The following NAALADL2 variants were observed in gnomAD, a reference collection of about 807,000 sequenced individuals.
The protein encoded by NAALADL2 is inactive N-acetylated-alpha-linked acidic dipeptidase-like protein 2.
Under a neutral mutation model 87.2 loss-of-function variants are expected in NAALADL2, and 76 were observed. That is an observed-to-expected ratio of 0.87 (90% CI 0.72 to 1.05). NAALADL2 has a LOEUF of 1.05. Ranked by LOEUF, NAALADL2 falls within the 50% of genes least tolerant of loss-of-function variation. NAALADL2 has a pLI of 0.00. For missense variants in NAALADL2, 1,089 were observed against 945.8 expected (o/e 1.15, Z -1.99); for synonymous variants, 354 against 331.0 (o/e 1.07, Z -0.75).
At position 175,262,007 on chromosome 3, in the gene NAALADL2, C is replaced by T. The variant is rs111839171; in HGVS notation, c.939+5477C>T. Among the ~76,000 whole-genome samples, 61 of 152,056 alleles carry T rather than the reference C, an allele frequency of 4.0e-4. No individual in the cohort carries two copies. The Middle Eastern group carries it at 0.01, about 25-fold the overall frequency. On this transcript the variant is annotated intron_variant, in intron 4 of 13. Transcript: ENST00000454872. Reference sequence around the variant, plus strand: ...CAAGTAAATTGCTTCTTGCAAATTACGGAGGAGTAGCATTATTTAAAGAAA... The same window carrying T: ...CAAGTAAATTGCTTCTTGCAAATTATGGAGGAGTAGCATTATTTAAAGAAA...
chr3:175,452,280 C>T (rs769610388), intron 6 of NAALADL2, among the ~76,000 whole-genome samples: 1 of 152,018 alleles, frequency 6.6e-6, no homozygotes, highest in Non-Finnish European at 1.5e-5. Context: ...TATCCACCTA[C>T]CTATCAATTT....
At chr3:175,642,911 T>C (rs1729498859) in intron 11 of NAALADL2, among the ~76,000 whole-genome samples, 1 of 152,198 alleles carries the variant, frequency 6.6e-6, no homozygotes, top group Non-Finnish European at 1.5e-5. Context: ...TTCAGGTATA[T>C]GTTTTGAAGC....
intron 12 of NAALADL2, among the ~76,000 whole-genome samples, chr3:175,737,734 T>G (rs1188470107): frequency 1.4e-5 from 2 of 144,298 alleles, no homozygotes; most frequent in African/African-American, 2.6e-5. Context: ...TTTTTTTTTT[T>G]TTTTTTTTTT....
intron 1 of NAALADL2, among the ~76,000 whole-genome samples, chr3:174,900,723 C>T (rs1328539029): frequency 1.3e-5 from 2 of 151,540 alleles, no homozygotes; most frequent in Admixed American, 1.3e-4. Flanking sequence ...TAAATTTTAA[C>T]AGAGAGTACA....
intron 10 of NAALADL2, among the ~76,000 whole-genome samples, chr3:175,621,190 C>T (rs1299433829): frequency 6.6e-6 from 1 of 152,110 alleles, no homozygotes; most frequent in Admixed American, 6.5e-5. Flanking sequence ...CACTGGGGAC[C>T]CGTTCCTGTC....
chr3:174,881,305 G>A lies in NAALADL2; in HGVS notation c.43+21855G>A, dbSNP rs140550573. Among the ~76,000 whole-genome samples the A allele has an allele frequency of 1.2e-3, 189 of 152,080 alleles. 1 individual carries two copies. Among genetic ancestry groups the A allele is most frequent in the African/African-American group, 4.1e-3 (170 of 41,524 alleles). On this transcript the variant is annotated intron_variant, in intron 1 of 13. Transcript: ENST00000454872. Reference sequence around the variant, plus strand: ...ACTTTTTACATTAATTCTACAATAAGTTACTCAAAATCTTTGGGATTTTGA... The same window carrying A: ...ACTTTTTACATTAATTCTACAATAAATTACTCAAAATCTTTGGGATTTTGA...
At chr3:175,524,715 GCT>G (rs1733144001) in intron 9 of NAALADL2, among the ~76,000 whole-genome samples, 1 of 151,912 alleles carries the variant, frequency 6.6e-6, no homozygotes, top group African/African-American at 2.4e-5. Context: ...CACTTATTGT[GCT>G]AGCAGACACT....
At chr3:175,259,427 A>G (rs1380237155) in intron 4 of NAALADL2, among the ~76,000 whole-genome samples, 1 of 152,218 alleles carries the variant, frequency 6.6e-6, no homozygotes, top group Non-Finnish European at 1.5e-5. Flanking sequence ...ATTATTAACA[A>G]TAGTCAGAGG....
chr3:175,776,046 C>T (rs1021521281), intron 13 of NAALADL2, among the ~76,000 whole-genome samples: 8 of 151,980 alleles, frequency 5.3e-5, no homozygotes, highest in African/African-American at 1.7e-4. Flanking sequence ...AAGTTGGTCA[C>T]CTCTATTCTT....
chr3:174,881,261 A>G (rs974742903), intron 1 of NAALADL2, among the ~76,000 whole-genome samples: 28 of 152,224 alleles, frequency 1.8e-4, no homozygotes, highest in Non-Finnish European at 3.2e-4. Flanking sequence ...TTAGGATTGC[A>G]ATCTCCCTTC....
chr3:174,755,409 T>C (rs1228783248), intron 3 of NAALADL2, among the ~76,000 whole-genome samples: 1 of 152,210 alleles, frequency 6.6e-6, no homozygotes, highest in African/African-American at 2.4e-5. Context: ...GGCTAATGAA[T>C]GTCCTCATTT....
At chr3:175,753,682 G>T (rs1212327433) in intron 12 of NAALADL2, among the ~76,000 whole-genome samples, 14 of 152,040 alleles carry the variant, frequency 9.2e-5, no homozygotes, top group South Asian at 2.1e-4. Context: ...AAGATTCTTG[G>T]CTGTGCCCCT....
intron 11 of NAALADL2, among the ~76,000 whole-genome samples, chr3:175,636,696 T>TAAAAAAAAAAAAAAAAA (rs529189291): frequency 4.9e-5 from 4 of 82,398 alleles, no homozygotes; most frequent in Non-Finnish European, 7.3e-5. Flanking sequence ...AGACTCCATC[T>TAAAAAAAAAAAAAAAAA]AAAAAAAAAA....
chr3:174,882,445 G>A (rs200044555), intron 1 of NAALADL2, among the ~76,000 whole-genome samples: 1 of 133,962 alleles, frequency 7.5e-6, no homozygotes, highest in South Asian at 2.3e-4. Context: ...GTGTATATAT[G>A]TGTGTATATA....
intron 1 of NAALADL2, among the ~76,000 whole-genome samples, chr3:175,029,884 G>C (rs545237745): frequency 6.6e-6 from 1 of 152,102 alleles, no homozygotes; most frequent in Non-Finnish European, 1.5e-5. Flanking sequence ...CATCCAATAG[G>C]TGCTTTAAAT....
At chr3:174,743,347 T>C (rs1326782135) in intron 3 of NAALADL2, among the ~76,000 whole-genome samples, 2 of 151,812 alleles carry the variant, frequency 1.3e-5, no homozygotes, top group Non-Finnish European at 3.0e-5. Context: ...CCATTGTAAG[T>C]GAAACCTCTC....
intron 4 of NAALADL2, among the ~76,000 whole-genome samples, chr3:175,263,487 G>T (rs112253105): frequency 6.6e-6 from 1 of 151,770 alleles, no homozygotes; most frequent in Non-Finnish European, 1.5e-5. Flanking sequence ...CATGTGTTTT[G>T]CCTACATGAA....
At chr3:174,541,639 A>C (rs975089007) in intron 1 of NAALADL2, among the ~76,000 whole-genome samples, 2 of 152,216 alleles carry the variant, frequency 1.3e-5, no homozygotes, top group Non-Finnish European at 2.9e-5. Flanking sequence ...GGCTCCATTT[A>C]TGATTTTTAT....
chr3:175,760,490 G>A (rs1234950845), intron 13 of NAALADL2, among the ~76,000 whole-genome samples: 3 of 152,156 alleles, frequency 2.0e-5, no homozygotes, highest in Non-Finnish European at 2.9e-5. Flanking sequence ...GCAATGGGGA[G>A]CCAGCAAAAC....
Sources: allele counts gnomAD v4.1 joint callset (sites outside exome capture counted in the v4.1 genomes callset), GRCh38; gene constraint gnomAD v4.1.1; transcripts MANE v1.5; gene names NCBI Gene and HGNC (gene_info 2026-07-23, HGNC 2026-07-21).